Variants in ANKRD28 observed in about 807,000 individuals in gnomAD.
ANKRD28 encodes ankyrin repeat domain 28.
Under a neutral mutation model 126.5 loss-of-function variants are expected in ANKRD28, and 44 were observed. The observed-to-expected ratio is 0.35, with a 90% CI of 0.27 to 0.45. The LOEUF is 0.45. Among genes scored for constraint, ANKRD28 ranks in the 20% least tolerant of loss-of-function variants. ANKRD28 has a pLI of 1.00. For missense variants in ANKRD28, 1,110 were observed against 1,316.6 expected, an observed-to-expected ratio of 0.84 and a Z score of 2.43; for synonymous variants, 442 against 468.5, an observed-to-expected ratio of 0.94 and a Z score of 0.73.
chr3:15,798,241 A>C (rs1011598650), upstream of ANKRD28: 7 of 868,614 alleles, frequency 8.1e-6, no homozygotes, highest in African/African-American at 1.1e-4. Context: ...TGTTACAATA[A>C]AGCAAATGTT....
At chr3:15,832,879 C>T (rs547539485) in intron 1 of ANKRD28, among the ~76,000 whole-genome samples, 3 of 152,162 alleles carry the variant, frequency 2.0e-5, no homozygotes, top group Non-Finnish European at 4.4e-5. Context: ...GTGAATAGCG[C>T]TGCAATAAAC....
At chr3:15,730,915 A>C (rs2074545566) in intron 6 of ANKRD28, among the ~76,000 whole-genome samples, 1 of 152,178 alleles carries the variant, frequency 6.6e-6, no homozygotes, top group South Asian at 2.1e-4. Context: ...CCTCACGAAC[A>C]TATCAATGCT....
intron 5 of ANKRD28, 144 bp downstream of exon 5, chr3:15,736,889 A>G: frequency 1.3e-6 from 1 of 798,712 alleles, no homozygotes; most frequent in Non-Finnish European, 2.0e-6. Context: ...AATTTGAGAA[A>G]GTTATAAAAG....
At chr3:15,802,880 A>G (rs1198800021), upstream of ANKRD28, among the ~76,000 whole-genome samples, 3 of 152,206 alleles carry the variant, frequency 2.0e-5, no homozygotes, top group Non-Finnish European at 4.4e-5. Flanking sequence ...AAGCTGAGAA[A>G]ACAAAATTAT....
intron 6 of ANKRD28, among the ~76,000 whole-genome samples, chr3:15,731,227 T>C (rs1324147638): frequency 6.6e-6 from 1 of 152,220 alleles, no homozygotes; most frequent in African/African-American, 2.4e-5. Flanking sequence ...TCTGGCCCCC[T>C]TGAAATACAC....
At chr3:15,822,881 CAA>C (rs2060975371) in intron 1 of ANKRD28, among the ~76,000 whole-genome samples, 1 of 152,094 alleles carries the variant, frequency 6.6e-6, no homozygotes, top group Admixed American at 6.6e-5. Flanking sequence ...GCTAGACTGA[CAA>C]AAAGAAGACC....
At chr3:15,696,364 T>C (rs1575202551) in intron 14 of ANKRD28, 119 bp from the exon 15 acceptor site, 13 of 608,736 alleles carry the variant, frequency 2.1e-5, no homozygotes, top group Non-Finnish European at 8.4e-6. Context: ...ATAAAAATCA[T>C]AAATGTATTA....
At chr3:15,834,812 A>G (rs1299325620) in intron 1 of ANKRD28, among the ~76,000 whole-genome samples, 1 of 152,256 alleles carries the variant, frequency 6.6e-6, no homozygotes, top group Admixed American at 6.5e-5. Flanking sequence ...GTGGGTACCA[A>G]ATATATTTTT....
chr3:15,762,411 A>T (rs2058536166), intron 3 of ANKRD28, among the ~76,000 whole-genome samples: 1 of 152,148 alleles, frequency 6.6e-6, no homozygotes, highest in East Asian at 1.9e-4. Flanking sequence ...CAGGGGAGCA[A>T]ATACCTACCC....
chr3:15,713,182 T>C (rs548961075), intron 10 of ANKRD28, among the ~76,000 whole-genome samples: 156 of 152,218 alleles, frequency 1.0e-3, no homozygotes, highest in African/African-American at 3.4e-3. Context: ...CAGATAGTAT[T>C]TGGATTAAAA....
At chr3:15,748,312 T>C (rs888244472) in intron 4 of ANKRD28, among the ~76,000 whole-genome samples, 3 of 151,974 alleles carry the variant, frequency 2.0e-5, no homozygotes, top group African/African-American at 7.3e-5. Context: ...TTTAAGGAGG[T>C]TCTATTTTGG....
At chr3:15,759,234 T>C (rs1434657096) in intron 3 of ANKRD28, among the ~76,000 whole-genome samples, 1 of 152,306 alleles carries the variant, frequency 6.6e-6, no homozygotes, top group African/African-American at 2.4e-5. Flanking sequence ...TCAAACTGCC[T>C]GGATCTGAAT....
Position 15,687,890 on chromosome 3 carries a change from A to G in ANKRD28, c.1964-1581T>C, listed in dbSNP as rs559733078. On this transcript the variant is annotated intron_variant, in intron 18 of 27. Transcript: ENST00000683139. ...TTTGTGTCATCTAAGTTCAATACCC[A>G]AACAGCAAGCACAGCATCTCTGTGG... 2.0e-5 allele frequency among the ~76,000 whole-genome samples: 3 copies of G among 152,338 alleles called. No homozygotes were observed. The East Asian group carries it at 5.8e-4, about 29-fold the overall frequency.
intron 1 of ANKRD28, among the ~76,000 whole-genome samples, chr3:15,823,880 C>A (rs566912018): frequency 7.2e-4 from 110 of 152,228 alleles, no homozygotes; most frequent in Non-Finnish European, 1.2e-3. Flanking sequence ...TGATAAAAAA[C>A]ACTCAACATC....
intron 1 of ANKRD28, among the ~76,000 whole-genome samples, chr3:15,852,081 G>A (rs887147589): frequency 2.6e-5 from 4 of 152,200 alleles, no homozygotes; most frequent in Non-Finnish European, 4.4e-5. Flanking sequence ...TGATAGTTTA[G>A]GGGTAAAAGG....
chr3:15,700,761 A>C (rs1480742419), intron 14 of ANKRD28, among the ~76,000 whole-genome samples: 1 of 152,200 alleles, frequency 6.6e-6, no homozygotes, highest in Non-Finnish European at 1.5e-5. Flanking sequence ...CGACAGAGTG[A>C]GACTGCAAAA....
chr3:15,678,438 G>A (rs1350079499), intron 23 of ANKRD28, 84 bp from the exon 24 acceptor site: 2 of 1,308,512 alleles, frequency 1.5e-6, no homozygotes, highest in Middle Eastern at 2.0e-4. Flanking sequence ...GTGACATGCT[G>A]TTTTTAAGGG....
chr3:15,721,211 CAA>C, intron 7 of ANKRD28, 84 bp from the exon 8 acceptor site: 2 of 1,111,096 alleles, frequency 1.8e-6, no homozygotes, highest in Non-Finnish European at 2.6e-6. Context: ...CCTGTGGTTG[CAA>C]TCAAATTACT....
chr3:15,714,532 GAAA>G (rs5846873), intron 9 of ANKRD28, 43 bp downstream of exon 9: 322 of 1,084,876 alleles, frequency 3.0e-4, no homozygotes, highest in Non-Finnish European at 3.8e-4. Flanking sequence ...CTACATTTAA[GAAA>G]AAAAAAAAAA....
Sources: gnomAD v4.1 joint callset for allele counts (sites outside exome capture counted in the v4.1 genomes callset) on GRCh38, gnomAD v4.1.1 for gene constraint, MANE v1.5 for transcripts, NCBI Gene and HGNC (gene_info 2026-07-23, HGNC 2026-07-21) for gene names.